Variants in LIMK2 observed in about 807,000 individuals in gnomAD.
The protein encoded by LIMK2 is LIM domain kinase 2.
A neutral mutation model predicts 75.7 loss-of-function variants in LIMK2; 35 were observed. The ratio of observed to expected loss-of-function variants is 0.46; its 90% CI spans 0.35 to 0.61. The LOEUF is 0.61. Among genes scored for constraint, LIMK2 ranks in the 20% least tolerant of loss-of-function variants. LIMK2 has a pLI of 0.00. For synonymous variants in LIMK2, 301 were observed against 319.2 expected (o/e 0.94, Z 0.61); for missense variants, 623 against 831.0 (o/e 0.75, Z 3.08).
chr22:31,268,575 GA>G (rs1309286985), intron 11 of LIMK2, among the ~76,000 whole-genome samples: 1 of 152,154 alleles, frequency 6.6e-6, no homozygotes, highest in African/African-American at 2.4e-5. Context: ...GCGGAGCCCT[GA>G]AGGATCAGAA....
At chr22:31,256,837 C>T (rs978444625) in intron 2 of LIMK2, among the ~76,000 whole-genome samples, 4 of 151,988 alleles carry the variant, frequency 2.6e-5, no homozygotes, top group African/African-American at 9.7e-5. Flanking sequence ...GGTGCAAGGC[C>T]TTGACAACAA....
At chr22:31,248,790 C>T in intron 2 of LIMK2, 1 of 1,613,344 alleles carries the variant, frequency 6.2e-7, no homozygotes, top group Non-Finnish European at 8.5e-7. Context: ...CTCCGAGTTC[C>T]CCTCTCCATC....
chr22:31,236,293 T>TA (rs58401512), intron 2 of LIMK2, among the ~76,000 whole-genome samples: 27,437 of 103,916 alleles, frequency 0.26, 4,547 homozygotes, highest in African/African-American at 0.51. Flanking sequence ...AGACTCAGTC[T>TA]AAAAAAAAAA....
intron 2 of LIMK2, among the ~76,000 whole-genome samples, chr22:31,243,166 C>G (rs1457318339): frequency 6.6e-6 from 1 of 152,212 alleles, no homozygotes; most frequent in African/African-American, 2.4e-5. Flanking sequence ...AAGTGATCTG[C>G]CTGCCTCAGC....
intron 2 of LIMK2, among the ~76,000 whole-genome samples, chr22:31,232,562 G>A (rs2048538622): frequency 6.6e-6 from 1 of 152,140 alleles, no homozygotes; most frequent in Admixed American, 6.5e-5. Context: ...TAGGCACTGT[G>A]GGGGATACGG....
At chr22:31,249,898 C>G (rs920559815) in intron 2 of LIMK2, among the ~76,000 whole-genome samples, 3 of 152,176 alleles carry the variant, frequency 2.0e-5, no homozygotes, top group African/African-American at 7.2e-5. Context: ...GACACTTTAT[C>G]CTTTAATCTC....
intron 7 of LIMK2, among the ~76,000 whole-genome samples, chr22:31,263,944 C>CAA (rs2048866202): frequency 6.6e-6 from 1 of 152,108 alleles, no homozygotes; most frequent in Non-Finnish European, 1.5e-5. Context: ...GAGCCTTGAT[C>CAA]ACACCACTGT....
intron 2 of LIMK2, among the ~76,000 whole-genome samples, chr22:31,226,477 A>G (rs573195754): frequency 7.3e-4 from 111 of 152,346 alleles, no homozygotes; most frequent in Non-Finnish European, 1.2e-3. Flanking sequence ...TGCTGGAATC[A>G]CAGGCGTGAA....
At chr22:31,238,934 A>G (rs929864753) in intron 2 of LIMK2, among the ~76,000 whole-genome samples, 2 of 152,214 alleles carry the variant, frequency 1.3e-5, no homozygotes, top group Non-Finnish European at 2.9e-5. Flanking sequence ...TCAACACAGC[A>G]TTTGTTACTC....
chr22:31,279,623 A>G lies in LIMK2; in HGVS notation c.*1182A>G, dbSNP rs539297840. The G allele has an allele frequency of 4.9e-4, 74 of 152,316 alleles. No individual in the cohort carries two copies. Among genetic ancestry groups the G allele is most frequent in the African/African-American group, 1.8e-3 (74 of 41,548 alleles). 9.4% of individuals were successfully genotyped at this position (152,316 alleles called of 1,614,324 possible). A position where few individuals can be genotyped will look rare whatever the true frequency, so the allele number is the denominator to read the frequency against. ...CATGTGCAGGTACTGGAAAACCTCC[A>G]TCTTGGCTCCCAGAGCTCTAGGAAC... On this transcript the variant is annotated 3_prime_UTR_variant, in exon 16 of 16. Transcript: ENST00000331728.
intron 2 of LIMK2, among the ~76,000 whole-genome samples, chr22:31,254,677 G>A (rs1002250428): frequency 6.6e-6 from 1 of 152,178 alleles, no homozygotes; most frequent in African/African-American, 2.4e-5. Flanking sequence ...CCTCACTGCA[G>A]GCCAGGCATA....
chr22:31,245,141 C>T (rs749252612), intron 2 of LIMK2, among the ~76,000 whole-genome samples: 5 of 152,150 alleles, frequency 3.3e-5, no homozygotes, highest in Non-Finnish European at 5.9e-5. Context: ...GTGGTGTCTT[C>T]GTGGTATAGA....
At chr22:31,261,556 A>AAAAAAAAAAAAAAAAAG in intron 5 of LIMK2, among the ~76,000 whole-genome samples, 1 of 151,358 alleles carries the variant, frequency 6.6e-6, no homozygotes, top group East Asian at 2.0e-4. Context: ...AAAAAAAAAA[A>AAAAAAAAAAAAAAAAAG]AGAGTTTGGG....
intron 9 of LIMK2, 139 bp downstream of exon 9, chr22:31,267,209 C>T (rs2048904733): frequency 1.7e-6 from 1 of 580,270 alleles, no homozygotes; most frequent in South Asian, 1.9e-5. Flanking sequence ...AGAGGAATAT[C>T]CCACTCCCTC....
intron 1 of LIMK2, among the ~76,000 whole-genome samples, chr22:31,225,336 C>G (rs2048469074): frequency 6.6e-6 from 1 of 152,124 alleles, no homozygotes; most frequent in Non-Finnish European, 1.5e-5. Flanking sequence ...TGGCTGTTGG[C>G]TGGGAATAGT....
chr22:31,212,503 C>T, intron 1 of LIMK2, 79 bp downstream of exon 1: 1 of 1,292,686 alleles, frequency 7.7e-7, no homozygotes, highest in Non-Finnish European at 9.9e-7. Context: ...AACCGGCTGT[C>T]TCTCGGGGGT....
At chr22:31,229,406 C>CCCAGAGATATTTGTCAAA (rs1369124334) in intron 2 of LIMK2, among the ~76,000 whole-genome samples, 1 of 152,084 alleles carries the variant, frequency 6.6e-6, no homozygotes, top group Non-Finnish European at 1.5e-5. Context: ...TTTGTCTGAC[C>CCCAGAGATATTTGTCAAA]CCAGAGATAA....
Position 31,279,934 on chromosome 22 carries a change from G to A in LIMK2, c.*1493G>A, listed in dbSNP as rs2049069904. 2 of 152,254 alleles carry A rather than the reference G, an allele frequency of 1.3e-5. No homozygotes were observed. The highest frequency in any genetic ancestry group is 2.9e-5 in the Non-Finnish European group (2 of 68,070). 9.4% of individuals were successfully genotyped at this position (152,254 alleles called of 1,614,324 possible). A position where few individuals can be genotyped will look rare whatever the true frequency, so the allele number is the denominator to read the frequency against. ...TGTGAAGTTTGCAAGCTTGCTTTAG[G>A]GCTGAGCCCTGGACTCCCAGCAGCA... is the stretch of plus-strand genomic sequence containing the variant. On this transcript the variant is annotated 3_prime_UTR_variant, in exon 16 of 16. Transcript: ENST00000331728.
chr22:31,272,461 A>G lies in LIMK2; in HGVS notation c.1384-69A>G. 4.1e-6 allele frequency: 6 copies of G among 1,457,764 alleles called. No homozygotes were observed. The South Asian group carries it at 5.4e-5, about 13-fold the overall frequency. The allele number at this position is 1,457,764 out of a possible 1,614,324, so 90.3% of individuals were successfully genotyped here. ...CCCTTCTCAGTGGCTTCTCTTGCCT[A>G]TGCTTCCTCCCCAGGGCCAGGTTTG... On this transcript the variant is annotated intron_variant, in intron 12 of 15. Coordinates refer to ENST00000331728, the MANE Select transcript of LIMK2 (RefSeq NM_005569.4).
Sources: gnomAD v4.1 joint callset for allele counts (sites outside exome capture counted in the v4.1 genomes callset) on GRCh38, gnomAD v4.1.1 for gene constraint, MANE v1.5 for transcripts, NCBI Gene and HGNC (gene_info 2026-07-23, HGNC 2026-07-21) for gene names.